Variants in BMPER observed in about 807,000 individuals in gnomAD.
BMPER encodes BMP-binding endothelial regulator protein.
BMPER carries 45 observed loss-of-function variants against 87.3 expected under a neutral mutation model. The ratio of observed to expected loss-of-function variants is 0.52; its 90% confidence interval spans 0.41 to 0.66. BMPER has a LOEUF of 0.66. Ranked by LOEUF, BMPER falls within the 30% of genes least tolerant of loss-of-function variation. The pLI is 0.00. For synonymous variants in BMPER, 326 were observed against 316.2 expected, an observed-to-expected ratio of 1.03 and a Z score of -0.33; for missense variants, 784 against 867.5, an observed-to-expected ratio of 0.90 and a Z score of 1.21.
chr7:33,973,194 G>A (rs550130558), intron 5 of BMPER, among the ~76,000 whole-genome samples: 2 of 152,312 alleles, frequency 1.3e-5, no homozygotes, highest in African/African-American at 4.8e-5. Context: ...GTAGATTGTT[G>A]TAGTTAATCT....
rs560874586 is a variant in BMPER at position 34,023,644 on chromosome 7, T to C, written c.577-22662T>C. Among the ~76,000 whole-genome samples, 6 of 152,198 alleles carry C rather than the reference T, an allele frequency of 3.9e-5. No individual in the cohort carries two copies. The South Asian group carries it at 1.2e-3, about 32-fold the overall frequency. ...AATGTATGAACTCCAACTCCTATTA[T>C]AGAAATTTGACATAGAGATTGGATA... On this transcript the variant is annotated intron_variant, in intron 6 of 14. Transcript: ENST00000649409.
chr7:34,105,972 T>C (rs1789807758), intron 13 of BMPER, among the ~76,000 whole-genome samples: 1 of 152,218 alleles, frequency 6.6e-6, no homozygotes, highest in African/African-American at 2.4e-5. Flanking sequence ...GTCTTCCAGA[T>C]GGTATTGTTG....
intron 3 of BMPER, among the ~76,000 whole-genome samples, chr7:33,965,151 T>C (rs1301844989): frequency 6.6e-6 from 1 of 152,242 alleles, no homozygotes; most frequent in Non-Finnish European, 1.5e-5. Context: ...ACATTTTATC[T>C]CTGTAACACT....
chr7:33,905,049 C>G (rs1783771524), upstream of BMPER: 1 of 159,760 alleles, frequency 6.3e-6, no homozygotes, highest in African/African-American at 2.4e-5. Flanking sequence ...CCCGGGCGCC[C>G]CCAGCGGGTT....
chr7:33,933,322 T>G (rs1784524397), intron 2 of BMPER, among the ~76,000 whole-genome samples: 1 of 152,066 alleles, frequency 6.6e-6, no homozygotes, highest in Admixed American at 6.6e-5. Context: ...AAGGCAGTAA[T>G]GCAGACAGAC....
intron 6 of BMPER, among the ~76,000 whole-genome samples, chr7:34,006,283 G>A (rs1171622362): frequency 1.3e-5 from 2 of 151,914 alleles, no homozygotes; most frequent in African/African-American, 4.8e-5. Context: ...AAAAGCCTTA[G>A]AAAAATAAAG....
chr7:34,080,385 C>T (rs1788981043), intron 12 of BMPER, among the ~76,000 whole-genome samples: 1 of 152,202 alleles, frequency 6.6e-6, no homozygotes, highest in South Asian at 2.1e-4. Flanking sequence ...AACCAAGAAG[C>T]AGCCCAGGGA....
At chr7:34,105,950 C>G (rs1042803799) in intron 13 of BMPER, among the ~76,000 whole-genome samples, 3 of 152,168 alleles carry the variant, frequency 2.0e-5, no homozygotes, top group African/African-American at 7.2e-5. Context: ...AGTGTCCCAG[C>G]CCCCAAAGCC....
At chr7:34,110,198 C>T (rs987576075) in intron 13 of BMPER, among the ~76,000 whole-genome samples, 3 of 152,108 alleles carry the variant, frequency 2.0e-5, no homozygotes, top group Non-Finnish European at 4.4e-5. Context: ...TTGGTCTTCT[C>T]GTGGGCAAAG....
chr7:33,936,511 C>T lies in BMPER; in HGVS notation c.220-778C>T, dbSNP rs969903126. The stretch of plus-strand genomic sequence containing the variant: ...AAAGCCACATCAGCTAGCATGTGGT[C>T]GCCGCTTGATAAATCTCACATTTTG... On this transcript the variant is annotated intron_variant, in intron 2 of 14. Coordinates refer to ENST00000649409, the MANE Select transcript of BMPER (RefSeq NM_001365308.1). Among the ~76,000 whole-genome samples the T allele has an allele frequency of 2.6e-5, 4 of 152,172 alleles. No homozygotes were observed. In the South Asian group the frequency reaches 6.2e-4, roughly 24 times the overall value.
intron 13 of BMPER, among the ~76,000 whole-genome samples, chr7:34,137,417 A>G (rs960883390): frequency 3.3e-5 from 5 of 152,232 alleles, no homozygotes; most frequent in Non-Finnish European, 7.3e-5. Flanking sequence ...GAAGCTGGGA[A>G]AAGGTCATGA....
At chr7:33,937,161 C>G (rs1784622047) in intron 2 of BMPER, 128 bp from the exon 3 acceptor site, 4 of 935,340 alleles carry the variant, frequency 4.3e-6, no homozygotes, top group South Asian at 1.4e-5. Context: ...CCTATTTGCT[C>G]TCACAGCGTC....
intron 2 of BMPER, among the ~76,000 whole-genome samples, chr7:33,923,447 G>C (rs902797816): frequency 1.3e-5 from 2 of 152,168 alleles, no homozygotes; most frequent in South Asian, 4.1e-4. Context: ...TAGCCAACCA[G>C]AATTTTCCTA....
intron 7 of BMPER, among the ~76,000 whole-genome samples, chr7:34,046,774 G>A (rs1054012830): frequency 5.3e-5 from 8 of 152,136 alleles, no homozygotes; most frequent in Non-Finnish European, 7.4e-5. Context: ...ATAGACTAGT[G>A]TTACTTTCAG....
At chr7:33,941,861 A>G (rs1784776778) in intron 3 of BMPER, among the ~76,000 whole-genome samples, 1 of 152,170 alleles carries the variant, frequency 6.6e-6, no homozygotes, top group Admixed American at 6.5e-5. Flanking sequence ...GACTTAACAC[A>G]TTGTAACAGG....
intron 6 of BMPER, among the ~76,000 whole-genome samples, chr7:33,980,400 A>G (rs989827815): frequency 2.0e-5 from 3 of 152,138 alleles, no homozygotes; most frequent in Admixed American, 6.5e-5. Context: ...AATAGTTTAT[A>G]AAGTATACTG....
At chr7:34,010,261 A>G (rs796778473) in intron 6 of BMPER, among the ~76,000 whole-genome samples, 2 of 151,888 alleles carry the variant, frequency 1.3e-5, no homozygotes, top group African/African-American at 4.8e-5. Flanking sequence ...TCCTTCCTCT[A>G]TATGTAGTTT....
intron 9 of BMPER, 109 bp downstream of exon 9, chr7:34,055,412 CA>C: frequency 7.5e-7 from 1 of 1,333,634 alleles, no homozygotes. Context: ...TATACATATA[CA>C]AATGTATATG....
chr7:33,948,256 A>G (rs1025337260), intron 3 of BMPER, among the ~76,000 whole-genome samples: 5 of 152,224 alleles, frequency 3.3e-5, no homozygotes, highest in African/African-American at 9.6e-5. Flanking sequence ...AGGTCTGCTA[A>G]TCATGTAAAC....
Sources: gnomAD v4.1 joint callset for allele counts (sites outside exome capture counted in the v4.1 genomes callset) on GRCh38, gnomAD v4.1.1 for gene constraint, MANE v1.5 for transcripts, NCBI Gene and HGNC (gene_info 2026-07-23, HGNC 2026-07-21) for gene names.